Variants in TUBB8 observed in about 807,000 individuals in gnomAD.
TUBB8 encodes the protein tubulin beta 8 class VIII, also known as tubulin beta-8 chain.
In TUBB8, 25 loss-of-function variants were observed where a neutral mutation model predicts 33.7. That is an observed-to-expected ratio of 0.74 (90% CI 0.54 to 1.04). The LOEUF (loss-of-function observed/expected upper bound fraction) is 1.04, where lower values mean the gene tolerates loss of function less well. Among genes scored for constraint, TUBB8 ranks in the 50% least tolerant of loss-of-function variants. TUBB8 has a pLI of 0.00. For missense variants in TUBB8, 279 were observed against 608.0 expected, an observed-to-expected ratio of 0.46 and a Z score of 5.69; for synonymous variants, 245 against 240.1, an observed-to-expected ratio of 1.02 and a Z score of -0.19.
chr10:53,393 G>C (rs574210328), upstream of TUBB8, among the ~76,000 whole-genome samples: 4 of 152,222 alleles, frequency 2.6e-5, no homozygotes. Flanking sequence ...CTCCCAAATT[G>C]CTGGGATTAC....
intron 1 of TUBB8, among the ~76,000 whole-genome samples, chr10:55,427 T>G (rs1834518481): frequency 6.6e-6 from 1 of 152,182 alleles, no homozygotes; most frequent in Admixed American, 6.5e-5. Context: ...ACAAATATTT[T>G]CTCCCATTCT....
chr10:66,542 G>A (rs1187499683), intron 1 of TUBB8, among the ~76,000 whole-genome samples: 2 of 152,192 alleles, frequency 1.3e-5, no homozygotes, highest in Non-Finnish European at 2.9e-5. Flanking sequence ...CTAGTTACTC[G>A]GGTGACAGAG....
At chr10:72,718 T>C (rs534863691) in intron 1 of TUBB8, among the ~76,000 whole-genome samples, 1 of 151,794 alleles carries the variant, frequency 6.6e-6, no homozygotes, top group African/African-American at 2.4e-5. Context: ...CAGGGCATTG[T>C]GGCAGGCGCC....
rs202105357 is a variant in TUBB8, at chr10:49,255, G to C, written c.-17C>G. On this transcript the variant is annotated 5_prime_UTR_variant, in exon 1 of 4. Transcript: ENST00000568584. The stretch of plus-strand genomic sequence containing the variant: ...CTCCCTCATGGCCAAGGCGGGATTA[G>C]GACGGCAGGAGAAACGTGAGAAGGA... The C allele has an allele frequency of 1.9e-6, 3 of 1,578,676 alleles. No individual in the cohort carries two copies. In the East Asian group the frequency reaches 7.0e-5, roughly 37 times the overall value.
upstream of TUBB8, among the ~76,000 whole-genome samples, chr10:75,559 G>A (rs180939273): frequency 2.0e-5 from 3 of 149,856 alleles, no homozygotes; most frequent in African/African-American, 4.9e-5. Context: ...GGAGGCTGAG[G>A]CAGGAGAATT....
intron 1 of TUBB8, among the ~76,000 whole-genome samples, chr10:65,737 AAATAAT>A (rs879949045): frequency 1.3e-5 from 2 of 152,210 alleles, no homozygotes; most frequent in South Asian, 4.2e-4. Context: ...AAAAAATTAA[AAATAAT>A]AATAATAATA....
intron 2 of TUBB8, 32 bp downstream of exon 2, chr10:48,772 G>A (rs370567354): frequency 8.4e-5 from 135 of 1,609,296 alleles, no homozygotes; most frequent in Non-Finnish European, 1.1e-4. Context: ...CGCGTTCCCA[G>A]GAGGGCGGTG....
In TUBB8 at chr10:70,848, A is replaced by AT. The variant is rs1198716204; in HGVS notation, c.-846+3120dup. Among the ~76,000 whole-genome samples the AT allele has an allele frequency of 2.0e-5, 3 of 152,330 alleles. No individual in the cohort carries two copies. In the East Asian group the frequency reaches 5.8e-4, roughly 29 times the overall value. On this transcript the variant is annotated intron_variant, in intron 1 of 3. Coordinates refer to the TUBB8 transcript ENST00000564130. ...ACAGAGCAGAACCCCGTCTCAAAAA[A>AT]TAAAAAATAAAAAAAAGGAGAAACA... is the stretch of plus-strand genomic sequence containing the variant.
intron 1 of TUBB8, among the ~76,000 whole-genome samples, chr10:64,483 C>A (rs1834643904): frequency 6.6e-6 from 1 of 151,916 alleles, no homozygotes; most frequent in Non-Finnish European, 1.5e-5. Flanking sequence ...CAACACTAAC[C>A]CCTAACCCTA....
At chr10:52,088 T>TC (rs1464510639), upstream of TUBB8, among the ~76,000 whole-genome samples, 1 of 152,204 alleles carries the variant, frequency 6.6e-6, no homozygotes, top group Non-Finnish European at 1.5e-5. Context: ...TTCTCAATGT[T>TC]CCCCAGGGCC....
intron 1 of TUBB8, among the ~76,000 whole-genome samples, chr10:58,680 A>C (rs1404870607): frequency 1.3e-5 from 2 of 152,198 alleles, no homozygotes; most frequent in African/African-American, 4.8e-5. Flanking sequence ...CTCACTCACT[A>C]TCATGAAGAT....
At chr10:55,828 T>C (rs1409441436) in intron 1 of TUBB8, among the ~76,000 whole-genome samples, 2 of 152,234 alleles carry the variant, frequency 1.3e-5, no homozygotes, top group Admixed American at 6.5e-5. Context: ...AAGTTCTCTA[T>C]TTCATTCCAT....
intron 1 of TUBB8, among the ~76,000 whole-genome samples, chr10:68,219 T>C (rs1554741892): frequency 6.6e-6 from 1 of 152,200 alleles, no homozygotes; most frequent in South Asian, 2.1e-4. Flanking sequence ...GTGACACCCA[T>C]AAGACTGATG....
chr10:70,814 G>C (rs1329679758), intron 1 of TUBB8, among the ~76,000 whole-genome samples: 1 of 152,142 alleles, frequency 6.6e-6, no homozygotes. Context: ...CTGCACTCCA[G>C]CATGGGAGAC....
rs1237109152 is a variant in TUBB8 at position 48,125 on chromosome 10, G to A, written c.278-11C>T. ...CGGCCCCACACTGACCTGTAAGACA[G>A]CACAGCCGGTCACTCGACGGCCAGG... On this transcript the variant is annotated splice_polypyrimidine_tract_variant and intron_variant, in intron 3 of 3. Transcript: ENST00000568584. The A allele has an allele frequency of 5.0e-6, 8 of 1,598,346 alleles. No individual in the cohort carries two copies. Among genetic ancestry groups the A allele is most frequent in the Middle Eastern group, 3.6e-4 (2 of 5,578 alleles).
At chr10:48,954 A>G in intron 1 of TUBB8, 42 bp from the exon 2 acceptor site, 1 of 1,402,888 alleles carries the variant, frequency 7.1e-7, no homozygotes, top group South Asian at 1.2e-5. Context: ...GGGCTGAGTC[A>G]GGGAGGCGCC....
intron 1 of TUBB8, among the ~76,000 whole-genome samples, chr10:59,857 G>A (rs1169646930): frequency 6.6e-6 from 1 of 152,090 alleles, no homozygotes; most frequent in African/African-American, 2.4e-5. Flanking sequence ...TTCACTCTTG[G>A]TAAGTTGTGT....
upstream of TUBB8, chr10:49,313 C>T: frequency 4.7e-6 from 7 of 1,483,184 alleles, no homozygotes; most frequent in Middle Eastern, 2.3e-4. Flanking sequence ...GCCCGCCCTC[C>T]GCCAACGTTT....
chr10:63,884 T>C (rs1382334414), intron 1 of TUBB8, among the ~76,000 whole-genome samples: 1 of 152,176 alleles, frequency 6.6e-6, no homozygotes, highest in Non-Finnish European at 1.5e-5. Flanking sequence ...AAGAGGTCAG[T>C]CTTTATTGTA....
Sources: gnomAD v4.1 joint callset for allele counts (sites outside exome capture counted in the v4.1 genomes callset) on GRCh38, gnomAD v4.1.1 for gene constraint, MANE v1.5 for transcripts, NCBI Gene and HGNC (gene_info 2026-07-23, HGNC 2026-07-21) for gene names.